The following GRID1 variants were observed in gnomAD, a reference collection of about 807,000 sequenced individuals.
GRID1 encodes the protein glutamate ionotropic receptor delta type subunit 1, also known as glutamate receptor ionotropic, delta-1.
A neutral mutation model predicts 98.0 loss-of-function variants in GRID1; 28 were observed. The observed-to-expected ratio is 0.29, with a 90% CI of 0.21 to 0.39. GRID1 has a LOEUF of 0.39. GRID1 is among the 10% of genes least tolerant of loss of function. The pLI is 1.00. For missense variants in GRID1, 1,111 were observed against 1,340.5 expected (o/e 0.83, Z 2.67); for synonymous variants, 553 against 538.5 (o/e 1.03, Z -0.37).
chr10:86,302,585 A>C (rs1485769860), intron 2 of GRID1, among the ~76,000 whole-genome samples: 1 of 152,148 alleles, frequency 6.6e-6, no homozygotes, highest in African/African-American at 2.4e-5. Flanking sequence ...CCAATCCTGT[A>C]TGCTTACCAC....
At chr10:85,745,767 G>A (rs1022186696) in intron 8 of GRID1, among the ~76,000 whole-genome samples, 3 of 151,262 alleles carry the variant, frequency 2.0e-5, no homozygotes, top group Admixed American at 6.6e-5. Context: ...AACATGACCA[G>A]GTTAGACAAA....
intron 12 of GRID1, among the ~76,000 whole-genome samples, chr10:85,654,251 C>T (rs1437517174): frequency 6.6e-6 from 1 of 152,118 alleles, no homozygotes; most frequent in Non-Finnish European, 1.5e-5. Context: ...TCTTCAATTG[C>T]TATTGAAATT....
intron 5 of GRID1, among the ~76,000 whole-genome samples, chr10:85,874,002 GACT>G (rs1326557648): frequency 5.9e-5 from 9 of 152,168 alleles, no homozygotes; most frequent in African/African-American, 1.9e-4. Context: ...CACATTGTAT[GACT>G]ATATTACAAT....
intron 10 of GRID1, among the ~76,000 whole-genome samples, chr10:85,725,248 T>G (rs1564571180): frequency 6.6e-6 from 1 of 152,248 alleles, no homozygotes; most frequent in Non-Finnish European, 1.5e-5. Flanking sequence ...ATATGTAGAC[T>G]TCATGCCAGA....
At chr10:85,612,573 G>A (rs962320921) in intron 15 of GRID1, among the ~76,000 whole-genome samples, 3 of 152,074 alleles carry the variant, frequency 2.0e-5, no homozygotes, top group Admixed American at 6.5e-5. Context: ...TGTGGTTCTA[G>A]ACATAGCTGA....
chr10:85,760,183 A>T (rs1261831364), intron 8 of GRID1, among the ~76,000 whole-genome samples: 1 of 152,230 alleles, frequency 6.6e-6, no homozygotes, highest in South Asian at 2.1e-4. Flanking sequence ...CTGCTGACTT[A>T]AGTTTGTTTA....
At chr10:86,228,895 T>A (rs928046895) in intron 2 of GRID1, among the ~76,000 whole-genome samples, 33 of 152,250 alleles carry the variant, frequency 2.2e-4, no homozygotes, top group African/African-American at 6.7e-4. Flanking sequence ...ATTGGTCTCT[T>A]CAACACCAAA....
intron 4 of GRID1, among the ~76,000 whole-genome samples, chr10:86,031,643 C>A (rs1843187375): frequency 6.6e-6 from 1 of 152,090 alleles, no homozygotes; most frequent in African/African-American, 2.4e-5. Flanking sequence ...TCATCAAAGC[C>A]CCTACCACCT....
chr10:86,301,635 C>A (rs1847689137), intron 2 of GRID1, among the ~76,000 whole-genome samples: 1 of 152,154 alleles, frequency 6.6e-6, no homozygotes, highest in Non-Finnish European at 1.5e-5. Context: ...GAGCAGGGAC[C>A]CCCAAGGCCC....
At chr10:85,639,501 G>T (rs748247428) in intron 13 of GRID1, among the ~76,000 whole-genome samples, 2 of 152,158 alleles carry the variant, frequency 1.3e-5, no homozygotes, top group Non-Finnish European at 2.9e-5. Context: ...TTACAGAATT[G>T]CATAAATTGT....
At chr10:86,015,200 G>T (rs1433251971) in intron 4 of GRID1, among the ~76,000 whole-genome samples, 1 of 152,164 alleles carries the variant, frequency 6.6e-6, no homozygotes, top group African/African-American at 2.4e-5. Context: ...TCAGCCCCTA[G>T]AACTGTGCCA....
chr10:86,236,000 T>C (rs1444437488), intron 2 of GRID1, among the ~76,000 whole-genome samples: 1 of 152,244 alleles, frequency 6.6e-6, no homozygotes, highest in East Asian at 1.9e-4. Flanking sequence ...TGCATCATTT[T>C]GCATTCCCGC....
At chr10:86,298,818 G>A (rs1161230950) in intron 2 of GRID1, among the ~76,000 whole-genome samples, 1 of 152,196 alleles carries the variant, frequency 6.6e-6, no homozygotes, top group Non-Finnish European at 1.5e-5. Context: ...GTTTGTGTCT[G>A]GAGGCCCGGT....
intron 4 of GRID1, among the ~76,000 whole-genome samples, chr10:86,128,537 T>C (rs923502709): frequency 2.0e-5 from 3 of 152,148 alleles, no homozygotes; most frequent in African/African-American, 7.2e-5. Flanking sequence ...AGTGCAGATA[T>C]GTGAGTAATG....
chr10:85,895,031 A>G (rs1841271104), intron 5 of GRID1, among the ~76,000 whole-genome samples: 1 of 146,308 alleles, frequency 6.8e-6, no homozygotes, highest in South Asian at 2.1e-4. Flanking sequence ...ATATATATAT[A>G]TATATATATG....
chr10:85,657,074 G>A (rs114748562), intron 12 of GRID1, among the ~76,000 whole-genome samples: 1,621 of 152,232 alleles, frequency 0.011, 23 homozygotes, highest in African/African-American at 0.036. Flanking sequence ...GGTTTCTGTG[G>A]TTGTTTCTTA....
At chr10:86,086,248 C>T (rs1177051217) in intron 4 of GRID1, among the ~76,000 whole-genome samples, 1 of 152,194 alleles carries the variant, frequency 6.6e-6, no homozygotes, top group East Asian at 1.9e-4. Context: ...ACTGTCTCTC[C>T]TCCTTCTACT....
intron 8 of GRID1, among the ~76,000 whole-genome samples, chr10:85,826,036 C>T (rs150007246): frequency 7.8e-4 from 118 of 152,130 alleles, no homozygotes; most frequent in Non-Finnish European, 1.4e-3. Flanking sequence ...AGATAAATAC[C>T]CGCAATCAGG....
intron 12 of GRID1, among the ~76,000 whole-genome samples, chr10:85,672,032 C>T (rs1841091494): frequency 6.6e-6 from 1 of 152,178 alleles, no homozygotes; most frequent in South Asian, 2.1e-4. Flanking sequence ...AAGCTGTCTC[C>T]ATAACATAAC....
Sources: gnomAD v4.1 joint callset for allele counts (sites outside exome capture counted in the v4.1 genomes callset) on GRCh38, gnomAD v4.1.1 for gene constraint, MANE v1.5 for transcripts, NCBI Gene and HGNC (gene_info 2026-07-23, HGNC 2026-07-21) for gene names.